AMPH: variants seen among roughly 807,000 people sequenced by gnomAD.
The protein encoded by AMPH is amphiphysin (Stiff-Mann syndrome with breast cancer 128kD autoantigen).
AMPH carries 49 observed loss-of-function variants against 99.1 expected under a neutral mutation model. The ratio of observed to expected loss-of-function variants is 0.49; its 90% CI spans 0.39 to 0.63. AMPH has a LOEUF of 0.63. Ranked by LOEUF, AMPH falls within the 20% of genes least tolerant of loss-of-function variation. The pLI, the probability that AMPH is intolerant of heterozygous loss-of-function variation, is 0.00. For missense variants in AMPH, 759 were observed against 863.4 expected (o/e 0.88, Z 1.52); for synonymous variants, 314 against 317.3 (o/e 0.99, Z 0.11).
At chr7:38,442,637 T>C (rs900715786) in intron 11 of AMPH, among the ~76,000 whole-genome samples, 17 of 152,108 alleles carry the variant, frequency 1.1e-4, no homozygotes, top group African/African-American at 9.7e-5. Flanking sequence ...AAAGTGGAAA[T>C]TGGAAACCTG....
chr7:38,513,372 C>T lies in AMPH; in HGVS notation c.151-9668G>A, dbSNP rs574960280. ...TACAGGGTGATGATTTTTGCAGAAA[C>T]GAACAGGAGACACCCATTGAACCTG... On this transcript the variant is annotated intron_variant, in intron 2 of 20. Coordinates refer to ENST00000356264, the MANE Select transcript of AMPH (RefSeq NM_001635.4). 1.0e-3 allele frequency among the ~76,000 whole-genome samples: 152 copies of T among 152,164 alleles called. 4 individuals carry two copies. In the South Asian group the frequency reaches 0.017, roughly 17 times the overall value.
chr7:38,523,151 G>A (rs76553376), intron 2 of AMPH, among the ~76,000 whole-genome samples: 15,645 of 151,382 alleles, frequency 0.1, 1,195 homozygotes, highest in East Asian at 0.28. Context: ...AAATAAAGCA[G>A]GAGACACTGA....
chr7:38,590,512 C>T (rs554363453), intron 1 of AMPH, among the ~76,000 whole-genome samples: 1 of 152,266 alleles, frequency 6.6e-6, no homozygotes, highest in Admixed American at 6.5e-5. Flanking sequence ...GGGAGGGGAC[C>T]CAAAGGGGGT....
chr7:38,569,211 C>T (rs1358649149), intron 1 of AMPH, among the ~76,000 whole-genome samples: 1 of 151,496 alleles, frequency 6.6e-6, no homozygotes, highest in African/African-American at 2.4e-5. Flanking sequence ...TAGTCTAAAA[C>T]CCAGAAATGA....
In AMPH at chr7:38,585,807, T is replaced by G. The variant is rs369222692; in HGVS notation, c.69+45476A>C. Among the ~76,000 whole-genome samples the G allele has an allele frequency of 2.0e-5, 3 of 152,236 alleles. No homozygotes were observed. In the East Asian group the frequency reaches 5.8e-4, roughly 29 times the overall value. On this transcript the variant is annotated intron_variant, in intron 1 of 20. Transcript: ENST00000356264. The stretch of plus-strand genomic sequence containing the variant: ...ATATGGTAGAATTTCTAAATCTCAA[T>G]AATGCTTCAGCACTGATTACTTCTT...
intron 14 of AMPH, chr7:38,428,881 A>T: frequency 1.5e-6 from 1 of 651,294 alleles, no homozygotes; most frequent in Non-Finnish European, 2.5e-6. Flanking sequence ...CTTTCCTTAT[A>T]CCCTGCTCTT....
intron 20 of AMPH, among the ~76,000 whole-genome samples, chr7:38,385,406 T>C (rs984587992): frequency 2.0e-5 from 3 of 152,198 alleles, no homozygotes; most frequent in African/African-American, 4.8e-5. Context: ...GAATATCTTA[T>C]ATTTCATCCC....
intron 12 of AMPH, among the ~76,000 whole-genome samples, chr7:38,434,742 G>GAA (rs10713859): frequency 8.8e-5 from 12 of 135,860 alleles, no homozygotes; most frequent in East Asian, 4.1e-4. Context: ...CCATCTCAAA[G>GAA]AAAAAAAAAA....
At chr7:38,392,118 G>A in intron 18 of AMPH, 101 bp from the exon 19 acceptor site, 1 of 1,240,274 alleles carries the variant, frequency 8.1e-7, no homozygotes, top group Non-Finnish European at 1.1e-6. Context: ...AGCTGGGGCT[G>A]CCACTTCCAT....
At chr7:38,407,741 C>T (rs888769391) in intron 17 of AMPH, among the ~76,000 whole-genome samples, 1 of 152,108 alleles carries the variant, frequency 6.6e-6, no homozygotes, top group Admixed American at 6.5e-5. Context: ...TCTTCCATGG[C>T]TATGGAACAC....
At chr7:38,494,636 T>A in intron 3 of AMPH, 109 bp from the exon 4 acceptor site, 1 of 963,050 alleles carries the variant, frequency 1.0e-6, no homozygotes. Flanking sequence ...GCTAAACATT[T>A]AAGGAAAAAC....
intron 5 of AMPH, among the ~76,000 whole-genome samples, chr7:38,486,978 T>C (rs1218399079): frequency 6.6e-6 from 1 of 152,106 alleles, no homozygotes; most frequent in Non-Finnish European, 1.5e-5. Context: ...TCATATCCAG[T>C]AGTGAAAAAG....
At chr7:38,425,047 T>G (rs1785733443) in intron 15 of AMPH, among the ~76,000 whole-genome samples, 1 of 152,230 alleles carries the variant, frequency 6.6e-6, no homozygotes, top group South Asian at 2.1e-4. Context: ...TTAATATATA[T>G]GTAGGACATG....
chr7:38,509,455 T>G (rs1789456163), intron 2 of AMPH, among the ~76,000 whole-genome samples: 1 of 152,230 alleles, frequency 6.6e-6, no homozygotes, highest in South Asian at 2.1e-4. Context: ...AATAATCATA[T>G]GTACAATCTC....
At chr7:38,556,978 C>T (rs10951563) in intron 1 of AMPH, among the ~76,000 whole-genome samples, 12,077 of 152,162 alleles carry the variant, frequency 0.079, 586 homozygotes, top group East Asian at 0.23. Flanking sequence ...GAAGCATGAG[C>T]GTAGAACAAT....
At chr7:38,484,481 T>G (rs982573923) in intron 5 of AMPH, among the ~76,000 whole-genome samples, 1 of 152,070 alleles carries the variant, frequency 6.6e-6, no homozygotes, top group African/African-American at 2.4e-5. Flanking sequence ...GAAAAAACTG[T>G]GAAACAAGAA....
intron 17 of AMPH, among the ~76,000 whole-genome samples, chr7:38,404,278 C>T (rs1338936151): frequency 6.6e-6 from 1 of 152,016 alleles, no homozygotes; most frequent in Non-Finnish European, 1.5e-5. Context: ...CAGGTGCCTC[C>T]ATTCATCATC....
chr7:38,410,947 C>T (rs1785199175), intron 17 of AMPH, among the ~76,000 whole-genome samples: 1 of 152,204 alleles, frequency 6.6e-6, no homozygotes, highest in Non-Finnish European at 1.5e-5. Context: ...TTTGTGTCCA[C>T]TTGGACCCTA....
intron 2 of AMPH, among the ~76,000 whole-genome samples, chr7:38,509,559 C>T (rs3823591): frequency 0.094 from 14,268 of 152,172 alleles, 912 homozygotes; most frequent in East Asian, 0.19. Context: ...TGTGTTAAAC[C>T]GCCATCAAAT....
Sources: allele counts gnomAD v4.1 joint callset (sites outside exome capture counted in the v4.1 genomes callset), GRCh38; gene constraint gnomAD v4.1.1; transcripts MANE v1.5; gene names NCBI Gene and HGNC (gene_info 2026-07-23, HGNC 2026-07-21).